The following ST6GALNAC1 variants were observed in gnomAD, a reference collection of about 807,000 sequenced individuals.
ST6GALNAC1 encodes alpha-N-acetylgalactosaminide alpha-2,6-sialyltransferase 1.
ST6GALNAC1 carries 45 observed loss-of-function variants against 56.8 expected under a neutral mutation model. That is an observed-to-expected ratio of 0.79 (90% CI 0.62 to 1.02). The LOEUF (loss-of-function observed/expected upper bound fraction) is 1.02, where lower values mean the gene tolerates loss of function less well. Ranked by LOEUF, ST6GALNAC1 falls within the 50% of genes least tolerant of loss-of-function variation. ST6GALNAC1 has a pLI of 0.00. For missense variants in ST6GALNAC1, 743 were observed against 754.8 expected (o/e 0.98, Z 0.18); for synonymous variants, 295 against 297.8 (o/e 0.99, Z 0.10).
intron 1 of ST6GALNAC1, among the ~76,000 whole-genome samples, chr17:76,631,445 A>G (rs1296414676): frequency 6.6e-6 from 1 of 152,204 alleles, no homozygotes; most frequent in Non-Finnish European, 1.5e-5. Flanking sequence ...TTCATTTTCA[A>G]CTAAGAAAAA....
intron 1 of ST6GALNAC1, among the ~76,000 whole-genome samples, chr17:76,635,005 T>C (rs1450845126): frequency 6.6e-6 from 1 of 152,258 alleles, no homozygotes; most frequent in Non-Finnish European, 1.5e-5. Context: ...GATGTGTCTA[T>C]ACGCTGCTTC....
At chr17:76,635,699 C>T (rs117454444) in intron 1 of ST6GALNAC1, among the ~76,000 whole-genome samples, 95 of 152,266 alleles carry the variant, frequency 6.2e-4, no homozygotes, top group East Asian at 1.3e-3. Context: ...GAAAGTTCTA[C>T]GAGAACTTGA....
At chr17:76,622,786 CTCT>C (rs2143400382), downstream of ST6GALNAC1, among the ~76,000 whole-genome samples, 1 of 134,944 alleles carries the variant, frequency 7.4e-6, no homozygotes, top group African/African-American at 2.7e-5. Flanking sequence ...ATTCTTAGAA[CTCT>C]TGTCATTTCT....
intron 2 of ST6GALNAC1, 126 bp downstream of exon 2, chr17:76,628,886 T>G: frequency 2.3e-6 from 2 of 866,214 alleles, no homozygotes; most frequent in Non-Finnish European, 3.6e-6. Context: ...CATAATGAGC[T>G]TGGGGCAGGA....
At chr17:76,618,096 C>T in the ST6GALNAC1 span, among the ~76,000 whole-genome samples, 125,966 of 152,214 alleles carry the variant, frequency 0.83, 53,324 homozygotes, top group South Asian at 0.93. Flanking sequence ...CAAGGTTTCC[C>T]CGTTCTATGT....
chr17:76,627,656 G>T lies in ST6GALNAC1; in HGVS notation c.832-73C>A. The stretch of plus-strand genomic sequence containing the variant: ...ATCGGCCAGGGGCTGCACCACTGCA[G>T]CAAGGGCTGGGGCTCGCAGTTTGGA... On this transcript the variant is annotated intron_variant, in intron 2 of 8. Coordinates refer to ENST00000156626, the MANE Select transcript of ST6GALNAC1 (RefSeq NM_018414.5). This position sits in a 1 kb window ranked among gnomAD's most constrained non-coding sequence, Gnocchi z 4.4. 6.8e-7 allele frequency: 1 copy of T among 1,460,114 alleles called. No individual in the cohort carries two copies. The highest frequency in any genetic ancestry group is 9.4e-7 in the Non-Finnish European group (1 of 1,063,374). The allele number at this position is 1,460,114 out of a possible 1,614,324, so 90.4% of individuals were successfully genotyped here. A position where few individuals can be genotyped will look rare whatever the true frequency, so the allele number is the denominator to read the frequency against.
intron 1 of ST6GALNAC1, among the ~76,000 whole-genome samples, chr17:76,638,997 G>A (rs1056701225): frequency 2.6e-5 from 4 of 152,022 alleles, no homozygotes; most frequent in Non-Finnish European, 4.4e-5. Context: ...CCTCGCTCAC[G>A]GTCTCATTAA....
At position 76,639,746 on chromosome 17, in the gene ST6GALNAC1, G is replaced by A. The variant is rs140254863; in HGVS notation, c.131+3762C>T. 3.1e-4 allele frequency among the ~76,000 whole-genome samples: 46 copies of A among 148,762 alleles called. No individual in the cohort carries two copies. The East Asian group carries it at 8.8e-3, about 29-fold the overall frequency. Reference sequence around the variant, plus strand: ...TCTTTTATTCCACCAAGCCAGCCAGGCCAGAGCTCAGACCTTGGCTGCTGG... The same window carrying A: ...TCTTTTATTCCACCAAGCCAGCCAGACCAGAGCTCAGACCTTGGCTGCTGG... On this transcript the variant is annotated intron_variant, in intron 1 of 8. Coordinates refer to ENST00000156626, the MANE Select transcript of ST6GALNAC1 (RefSeq NM_018414.5).
intron 5 of ST6GALNAC1, 93 bp from the exon 6 acceptor site, chr17:76,626,485 C>G (rs1286896453): frequency 6.6e-7 from 1 of 1,504,560 alleles, no homozygotes; most frequent in African/African-American, 1.4e-5. Flanking sequence ...CCCACTTGCT[C>G]TGCTCTGGAC....
At chr17:76,642,103 C>T (rs552511666) in intron 1 of ST6GALNAC1, among the ~76,000 whole-genome samples, 74 of 150,746 alleles carry the variant, frequency 4.9e-4, no homozygotes, top group Admixed American at 1.1e-3. Context: ...CAATATATAG[C>T]GTATATATTG....
At chr17:76,640,690 G>T (rs1484226250) in intron 1 of ST6GALNAC1, among the ~76,000 whole-genome samples, 1 of 152,154 alleles carries the variant, frequency 6.6e-6, no homozygotes, top group African/African-American at 2.4e-5. Flanking sequence ...AAGTGTAAAA[G>T]AAAATGTATA....
chr17:76,641,401 C>T (rs1220028492), intron 1 of ST6GALNAC1, among the ~76,000 whole-genome samples: 1 of 151,450 alleles, frequency 6.6e-6, no homozygotes, highest in African/African-American at 2.4e-5. Context: ...GGTTAATATC[C>T]CTAATATACA....
chr17:76,619,683 A>T, the ST6GALNAC1 span, among the ~76,000 whole-genome samples: 1 of 150,874 alleles, frequency 6.6e-6, no homozygotes, highest in Non-Finnish European at 1.5e-5. Flanking sequence ...AGGATATATA[A>T]TTGAAATATT....
At chr17:76,635,490 G>A (rs1442804794) in intron 1 of ST6GALNAC1, among the ~76,000 whole-genome samples, 1 of 151,996 alleles carries the variant, frequency 6.6e-6, no homozygotes, top group African/African-American at 2.4e-5. Context: ...AAATACAAAC[G>A]GCTGGGTGTG....
chr17:76,634,018 T>G (rs2075943078), intron 1 of ST6GALNAC1, among the ~76,000 whole-genome samples: 1 of 152,182 alleles, frequency 6.6e-6, no homozygotes, highest in Non-Finnish European at 1.5e-5. Flanking sequence ...ACAAAGCCAG[T>G]ATGAGTAGAA....
chr17:76,637,479 G>C (rs1473675939), intron 1 of ST6GALNAC1: 1 of 368,578 alleles, frequency 2.7e-6, no homozygotes. Flanking sequence ...CATCTGTTCT[G>C]TATTTTTATA....
chr17:76,629,969 G>T (rs2075868641), intron 1 of ST6GALNAC1, among the ~76,000 whole-genome samples: 1 of 151,854 alleles, frequency 6.6e-6, no homozygotes, highest in Non-Finnish European at 1.5e-5. Flanking sequence ...TTTTAGTAGA[G>T]ATGGGGGTTT....
chr17:76,627,471 C>T lies in ST6GALNAC1; in HGVS notation c.944G>A (p.Trp315Ter), dbSNP rs1174338814. 1.2e-6 allele frequency: 2 copies of T among 1,614,086 alleles called. No individual in the cohort carries two copies. Among genetic ancestry groups the T allele is most frequent in the East Asian group, 4.5e-5 (2 of 44,876 alleles). Residue 315 changes from tryptophan (W) to a stop codon, truncating the protein, a stop_gained, in exon 3 of 9, where the codon TGG becomes TAG. Transcript: ENST00000156626. LOFTEE classifies it high-confidence loss of function. This position sits in a 1 kb window ranked among gnomAD's most constrained non-coding sequence, Gnocchi z 4.4. Reference protein sequence around the residue: ...LDSRHFNQSEWDRLEHFAPPF... With the variant: ...LDSRHFNQSE The stretch of plus-strand genomic sequence containing the variant: ...TGGTGCAAAGTGTTCCAGGCGGTCC[C>T]ACTCACTCTGGTTGAAGTGTCTGGA...
chr17:76,641,035 GTGAAGACCT>G (rs2076041690), intron 1 of ST6GALNAC1, among the ~76,000 whole-genome samples: 1 of 152,190 alleles, frequency 6.6e-6, no homozygotes, highest in Non-Finnish European at 1.5e-5. Flanking sequence ...CCCAGGCATT[GTGAAGACCT>G]TGTCTCTGCA....
Sources: allele counts gnomAD v4.1 joint callset (sites outside exome capture counted in the v4.1 genomes callset), GRCh38; gene constraint gnomAD v4.1.1; non-coding constraint Gnocchi (gnomAD v3.1); transcripts MANE v1.5; gene names NCBI Gene and HGNC (gene_info 2026-07-23, HGNC 2026-07-21).